Variants in KCNB2 observed in about 807,000 individuals in gnomAD.
KCNB2 encodes delayed rectifier potassium channel protein.
KCNB2 carries 15 observed loss-of-function variants against 61.5 expected under a neutral mutation model. That is an observed-to-expected ratio of 0.24 (90% CI 0.16 to 0.38). KCNB2 has a LOEUF of 0.38. KCNB2 is among the 10% of genes least tolerant of loss of function. The pLI is 1.00. For synonymous variants in KCNB2, 457 were observed against 446.0 expected (o/e 1.02, Z -0.31); for missense variants, 828 against 1,125.2 (o/e 0.74, Z 3.78).
chr8:72,574,160 GT>G (rs1806761362), intron 2 of KCNB2, among the ~76,000 whole-genome samples: 1 of 152,196 alleles, frequency 6.6e-6, no homozygotes, highest in Non-Finnish European at 1.5e-5. Context: ...ACACCATTGG[GT>G]TTTGGTTTAA....
intron 2 of KCNB2, among the ~76,000 whole-genome samples, chr8:72,599,098 C>T (rs573555791): frequency 6.6e-6 from 1 of 152,308 alleles, no homozygotes; most frequent in African/African-American, 2.4e-5. Context: ...AAAAAAACTA[C>T]TTTAAAGTTC....
intron 2 of KCNB2, among the ~76,000 whole-genome samples, chr8:72,835,812 C>T (rs1809771589): frequency 6.6e-6 from 1 of 152,164 alleles, no homozygotes; most frequent in African/African-American, 2.4e-5. Flanking sequence ...TTCACACTCC[C>T]ATTCTCTCCT....
Sources: allele counts gnomAD v4.1 joint callset (sites outside exome capture counted in the v4.1 genomes callset), GRCh38; gene constraint gnomAD v4.1.1; transcripts MANE v1.5; gene names NCBI Gene and HGNC (gene_info 2026-07-23, HGNC 2026-07-21).